SMG6: variants seen among roughly 807,000 people sequenced by gnomAD.
SMG6 encodes the protein telomerase-binding protein EST1A.
Under a neutral mutation model 142.2 loss-of-function variants are expected in SMG6, and 66 were observed. The ratio of observed to expected loss-of-function variants is 0.46; its 90% CI spans 0.38 to 0.57. The LOEUF (loss-of-function observed/expected upper bound fraction) is 0.57, where lower values mean the gene tolerates loss of function less well. Among genes scored for constraint, SMG6 ranks in the 20% least tolerant of loss-of-function variants. The probability of loss-of-function intolerance (pLI) is 0.00; values close to 1 mark genes in which losing one functional copy is unlikely to be tolerated. For missense variants in SMG6, 1,793 were observed against 1,832.0 expected (o/e 0.98, Z 0.39); for synonymous variants, 779 against 702.4 (o/e 1.11, Z -1.72).
chr17:2,279,300 T>C (rs2074730121), intron 8 of SMG6, among the ~76,000 whole-genome samples: 1 of 152,194 alleles, frequency 6.6e-6, no homozygotes, highest in Non-Finnish European at 1.5e-5. Context: ...GAAGCCAGTG[T>C]GGCTGGAATA....
chr17:2,097,538 G>A (rs1431594887), intron 13 of SMG6, among the ~76,000 whole-genome samples: 1 of 152,122 alleles, frequency 6.6e-6, no homozygotes. Flanking sequence ...CTACCAGAAG[G>A]CCATTCTATT....
At position 2,084,501 on chromosome 17, in the gene SMG6, G is replaced by A. The variant is rs4790872; in HGVS notation, c.3534+1224C>T. Among the ~76,000 whole-genome samples, 952 of 152,308 alleles carry A rather than the reference G, an allele frequency of 6.3e-3. 21 individuals are homozygous for A. The highest frequency in any genetic ancestry group is 0.048 in the East Asian group (251 of 5,192). On this transcript the variant is annotated intron_variant, in intron 14 of 18. Transcript: ENST00000263073. Reference sequence around the variant, plus strand: ...GGGGCTCTCCAGTTATTCTAATGAAGCCAGTCCAAGACTCTGCTGCTCTCA... The same window carrying A: ...GGGGCTCTCCAGTTATTCTAATGAAACCAGTCCAAGACTCTGCTGCTCTCA...
rs575368007 is a variant in SMG6, at chr17:2,152,361, C to G, written c.3357+20297G>C. 1.3e-4 allele frequency among the ~76,000 whole-genome samples: 20 copies of G among 152,276 alleles called. No homozygotes were observed. The East Asian group carries it at 3.5e-3, about 26-fold the overall frequency. On this transcript the variant is annotated intron_variant, in intron 13 of 18. Coordinates refer to ENST00000263073, the MANE Select transcript of SMG6 (RefSeq NM_017575.5). ...TCCTCTACTAAGAGAGCCTGTGAAC[C>G]CTTCAGCTCTCAGCATTTAATCAGT... is the stretch of plus-strand genomic sequence containing the variant.
Position 2,091,971 on chromosome 17 carries a change from T to C in SMG6, c.3358-6070A>G, listed in dbSNP as rs182026782. Among the ~76,000 whole-genome samples the C allele has an allele frequency of 1.9e-3, 292 of 151,608 alleles. 1 individual carries two copies. Among genetic ancestry groups the C allele is most frequent in the African/African-American group, 5.0e-3 (206 of 41,312 alleles). ...TGCTGGGATTACAGGCGTGAGCCACTGCGCCTGGCCCCTTTTTCTTTTTTT... is the reference window on the plus strand; with the variant it reads ...TGCTGGGATTACAGGCGTGAGCCACCGCGCCTGGCCCCTTTTTCTTTTTTT... On this transcript the variant is annotated intron_variant, in intron 13 of 18. Transcript: ENST00000263073.
chr17:2,147,884 C>T (rs1010650681), intron 13 of SMG6, among the ~76,000 whole-genome samples: 2 of 152,100 alleles, frequency 1.3e-5, no homozygotes, highest in Non-Finnish European at 2.9e-5. Context: ...AAATGTATGA[C>T]GATTCTTCAA....
At chr17:2,222,471 G>T (rs1444681239) in intron 10 of SMG6, among the ~76,000 whole-genome samples, 1 of 147,772 alleles carries the variant, frequency 6.8e-6, no homozygotes, top group South Asian at 2.2e-4. Context: ...TTGCAAGAAG[G>T]GTAGTGTGGC....
chr17:2,085,793 C>T lies in SMG6; in HGVS notation c.3466G>A (p.Val1156Met). Residue 1156 changes from valine (V) to methionine (M), a missense_variant, in exon 14 of 19, where the codon GTG becomes ATG. By Grantham distance (21) the Val-to-Met change is conservative. Transcript: ENST00000263073. The surrounding 1 kb of genome is among the most constrained non-coding windows in gnomAD (Gnocchi z 4.1). ...CCCATGGTGTCTGGGACGGGTGCCACTGACACATACTTTCCACCCTTGAAT... is the reference window on the plus strand; with the variant it reads ...CCCATGGTGTCTGGGACGGGTGCCATTGACACATACTTTCCACCCTTGAAT... ...LAFKGGKYVSVAPVPDTMGKE... is the reference protein window; with the variant it reads ...LAFKGGKYVSMAPVPDTMGKE... 1 of 1,614,134 alleles carries T rather than the reference C, an allele frequency of 6.2e-7. No individual in the cohort carries two copies. Among genetic ancestry groups the T allele is most frequent in the Non-Finnish European group, 8.5e-7 (1 of 1,179,972 alleles).
chr17:2,253,119 T>TTTTA (rs10528623), intron 8 of SMG6, among the ~76,000 whole-genome samples: 39,217 of 130,490 alleles, frequency 0.3, 6,024 homozygotes, highest in East Asian at 0.47. Context: ...AAATATTTTA[T>TTTTA]TTTATTTATT....
chr17:2,170,395 C>T (rs2071467006), intron 13 of SMG6, among the ~76,000 whole-genome samples: 1 of 152,226 alleles, frequency 6.6e-6, no homozygotes, highest in Admixed American at 6.5e-5. Context: ...CTGTCCCACA[C>T]TAAAAGACAG....
chr17:2,223,299 C>T (rs541907498), intron 10 of SMG6, among the ~76,000 whole-genome samples: 35 of 152,364 alleles, frequency 2.3e-4, no homozygotes, highest in African/African-American at 8.4e-4. Flanking sequence ...TCAACTGCTA[C>T]ATCTGCTGTT....
intron 10 of SMG6, among the ~76,000 whole-genome samples, chr17:2,194,002 G>A (rs1455439734): frequency 6.6e-6 from 1 of 152,186 alleles, no homozygotes; most frequent in East Asian, 1.9e-4. Flanking sequence ...TGTTGGTCAG[G>A]CTGGTCTCGA....
intron 13 of SMG6, among the ~76,000 whole-genome samples, chr17:2,120,640 C>T (rs2069659246): frequency 1.3e-5 from 2 of 152,084 alleles, no homozygotes; most frequent in South Asian, 4.2e-4. Context: ...GGAGGATTGC[C>T]CGAACCCAGG....
intron 2 of SMG6, among the ~76,000 whole-genome samples, chr17:2,298,374 C>T (rs932977917): frequency 9.2e-5 from 14 of 152,114 alleles, no homozygotes; most frequent in African/African-American, 3.4e-4. Context: ...TCCATGATCC[C>T]TTAAAGATAA....
chr17:2,090,660 T>C (rs2068692054), intron 13 of SMG6, among the ~76,000 whole-genome samples: 1 of 152,254 alleles, frequency 6.6e-6, no homozygotes, highest in South Asian at 2.1e-4. Context: ...TTTAAACTTG[T>C]ACTATCAGCC....
At chr17:2,205,069 G>A (rs938469936) in intron 10 of SMG6, among the ~76,000 whole-genome samples, 1 of 151,404 alleles carries the variant, frequency 6.6e-6, no homozygotes, top group Admixed American at 6.6e-5. Flanking sequence ...TATGTATCTA[G>A]TTTTTGGTTT....
At chr17:2,081,783 G>A (rs760193083) in intron 15 of SMG6, 27 bp downstream of exon 15, 2 of 1,610,492 alleles carry the variant, frequency 1.2e-6, no homozygotes, top group African/African-American at 2.7e-5. Flanking sequence ...CCCATAGTGG[G>A]AACCACGCTC....
intron 15 of SMG6, among the ~76,000 whole-genome samples, chr17:2,069,275 A>G (rs1263435633): frequency 6.6e-6 from 1 of 152,228 alleles, no homozygotes; most frequent in Non-Finnish European, 1.5e-5. Context: ...GTGGTTTCAC[A>G]TACATTATCT....
rs1159164674 is a variant in SMG6, at chr17:2,282,805, A to G, written c.2503T>C (p.Trp835Arg). Residue 835 changes from tryptophan (W) to arginine (R), a missense_variant, in exon 8 of 19, where the codon TGG (tryptophan) becomes CGG (arginine). Physicochemically the swap from Trp to Arg is moderately radical, Grantham distance 101. Transcript: ENST00000263073. ...AAAGTAGACTTCTTTCCTTTCCGCC[A>G]CTGGTCAGGGCTCAGGTCAAATTCC... is the stretch of plus-strand genomic sequence containing the variant. ...HEEFDLSPDQ[W>R]RKGKKSTFRH... The G allele has an allele frequency of 6.2e-7, 1 of 1,614,140 alleles. No homozygotes were observed. The highest frequency in any genetic ancestry group is 2.2e-5 in the East Asian group (1 of 44,874).
chr17:2,239,986 G>GCTGC (rs2073760842), intron 9 of SMG6: 1 of 152,148 alleles, frequency 6.6e-6, no homozygotes, highest in Non-Finnish European at 1.5e-5. Context: ...GAGCCTATAG[G>GCTGC]CTGCCAGCTT....
Sources: allele counts gnomAD v4.1 joint callset (sites outside exome capture counted in the v4.1 genomes callset), GRCh38; gene constraint gnomAD v4.1.1; non-coding constraint Gnocchi (gnomAD v3.1); transcripts MANE v1.5; gene names NCBI Gene and HGNC (gene_info 2026-07-23, HGNC 2026-07-21).